RCOR1: variants seen among roughly 807,000 people sequenced by gnomAD.
RCOR1 encodes the protein REST corepressor 1.
Under a neutral mutation model 64.0 loss-of-function variants are expected in RCOR1, and 12 were observed. The ratio of observed to expected loss-of-function variants is 0.19; its 90% CI spans 0.12 to 0.30. The LOEUF (loss-of-function observed/expected upper bound fraction) is 0.30. Ranked by LOEUF, RCOR1 falls within the 10% of genes least tolerant of loss-of-function variation. RCOR1 has a pLI of 1.00. For synonymous variants in RCOR1, 279 were observed against 227.2 expected (o/e 1.23, Z -2.05); for missense variants, 502 against 621.2 (o/e 0.81, Z 2.04).
At chr14:102,713,015 TC>T (rs1448364793) in intron 7 of RCOR1, among the ~76,000 whole-genome samples, 24 of 137,184 alleles carry the variant, frequency 1.7e-4, no homozygotes, top group African/African-American at 6.0e-4. Flanking sequence ...AGTGCAGTGG[TC>T]CGATCTCAGC....
rs142938678 is a variant in RCOR1, at chr14:102,643,212, G to A, written c.362-38683G>A. 1,305 of 256,244 alleles carry A rather than the reference G, an allele frequency of 5.1e-3. 2 individuals carry two copies. Among genetic ancestry groups the A allele is most frequent in the Non-Finnish European group, 7.0e-3 (1,145 of 163,508 alleles). 15.9% of individuals were successfully genotyped at this position (256,244 alleles called of 1,614,324 possible). On this transcript the variant is annotated intron_variant, in intron 2 of 11. Coordinates refer to ENST00000262241, the MANE Select transcript of RCOR1 (RefSeq NM_015156.4). Reference sequence around the variant, plus strand: ...CAGGAGAATGGCGTGAACCCGGGAGGCGGAGCTTGCACAGTGAGCCCAGAT... The same window carrying A: ...CAGGAGAATGGCGTGAACCCGGGAGACGGAGCTTGCACAGTGAGCCCAGAT...
intron 10 of RCOR1, 101 bp from the exon 11 acceptor site, chr14:102,722,086 C>A: frequency 2.4e-6 from 2 of 818,436 alleles, no homozygotes; most frequent in Non-Finnish European, 3.9e-6. Flanking sequence ...CTGTTAAAAG[C>A]CTGTATGTTT....
intron 2 of RCOR1, among the ~76,000 whole-genome samples, chr14:102,597,636 T>TC (rs1893288028): frequency 7.4e-6 from 1 of 135,738 alleles, no homozygotes; most frequent in African/African-American, 2.8e-5. Flanking sequence ...ACCTTTTTTT[T>TC]TTTTTTTTTT....
At chr14:102,726,330 CAAAAA>C in intron 11 of RCOR1, 133 bp from the exon 12 acceptor site, 1 of 622,312 alleles carries the variant, frequency 1.6e-6, no homozygotes, top group Non-Finnish European at 2.6e-6. Flanking sequence ...GTCTCCCCTC[CAAAAA>C]AAAAAAAAAG....
chr14:102,592,985 C>T lies in RCOR1; in HGVS notation c.99C>T (p.Ala33=). The change falls in exon 1 of 12, where the codon GCC becomes GCT. Residue 33 remains alanine (A), a synonymous_variant. Coordinates refer to ENST00000262241, the MANE Select transcript of RCOR1 (RefSeq NM_015156.4). ...CCTCCGCCGCCGCCGCCTCCGCCGC[C>T]GCCTCGGCCGCCTGCGCCTCGCCAG... is the stretch of plus-strand genomic sequence containing the variant. ...ASASAAAASA[A]ASAACASPAA... is the part of the protein sequence containing the mutation. 8.7e-7 allele frequency: 1 copy of T among 1,155,208 alleles called. No homozygotes were observed. Among genetic ancestry groups the T allele is most frequent in the Non-Finnish European group, 1.1e-6 (1 of 940,056 alleles). The allele number at this position is 1,155,208 out of a possible 1,614,324, so 71.6% of individuals were successfully genotyped here. A position where few individuals can be genotyped will look rare whatever the true frequency, so the allele number is the denominator to read the frequency against.
chr14:102,597,321 G>A (rs1287734916), intron 2 of RCOR1, among the ~76,000 whole-genome samples: 1 of 151,722 alleles, frequency 6.6e-6, no homozygotes, highest in Non-Finnish European at 1.5e-5. Flanking sequence ...ATGAATGGAG[G>A]AATTTGACTT....
intron 2 of RCOR1, among the ~76,000 whole-genome samples, chr14:102,600,019 C>A (rs1209979790): frequency 6.6e-6 from 1 of 152,088 alleles, no homozygotes; most frequent in Non-Finnish European, 1.5e-5. Context: ...GCCTTGGCCT[C>A]CCAAAGTGCT....
chr14:102,601,464 G>A (rs1222137795), intron 2 of RCOR1, among the ~76,000 whole-genome samples: 1 of 152,208 alleles, frequency 6.6e-6, no homozygotes, highest in Non-Finnish European at 1.5e-5. Context: ...AATTAGATGT[G>A]CAAGAGGTTC....
intron 2 of RCOR1, among the ~76,000 whole-genome samples, chr14:102,616,248 G>GTA (rs1259133703): frequency 1.0e-4 from 15 of 149,724 alleles, no homozygotes; most frequent in African/African-American, 1.5e-4. Flanking sequence ...GTGTGTGTGT[G>GTA]TATGTGTGTG....
intron 2 of RCOR1, among the ~76,000 whole-genome samples, chr14:102,604,140 A>G (rs532449955): frequency 1.3e-5 from 2 of 152,250 alleles, no homozygotes; most frequent in African/African-American, 4.8e-5. Flanking sequence ...TTGTGTTTCC[A>G]CTAAGTTATT....
chr14:102,689,551 A>G (rs1895491014), intron 3 of RCOR1, among the ~76,000 whole-genome samples: 1 of 152,190 alleles, frequency 6.6e-6, no homozygotes, highest in Non-Finnish European at 1.5e-5. Flanking sequence ...ATCCATAGAA[A>G]CAGATGGTCT....
chr14:102,729,931 T>C lies in RCOR1; in HGVS notation c.*3425T>C, dbSNP rs538531240. 2.5e-6 allele frequency: 1 copy of C among 399,066 alleles called. No homozygotes were observed. The highest frequency in any genetic ancestry group is 1.3e-4 in the South Asian group (1 of 7,858). The allele number at this position is 399,066 out of a possible 1,614,324, so 24.7% of individuals were successfully genotyped here. A position where few individuals can be genotyped will look rare whatever the true frequency, so the allele number is the denominator to read the frequency against. On this transcript the variant is annotated 3_prime_UTR_variant, in exon 12 of 12. Coordinates refer to ENST00000262241, the MANE Select transcript of RCOR1 (RefSeq NM_015156.4). ...AAGCTTCTATTGTCAAGTGAAACTT[T>C]CCTCAGATGGACTCCAGGTAGCCAG... is the stretch of plus-strand genomic sequence containing the variant.
At chr14:102,629,187 C>CTAT (rs1183446731) in intron 2 of RCOR1, among the ~76,000 whole-genome samples, 3 of 152,210 alleles carry the variant, frequency 2.0e-5, no homozygotes, top group Non-Finnish European at 4.4e-5. Flanking sequence ...ATCCACATAG[C>CTAT]CCATGGCCTT....
At chr14:102,698,278 G>A (rs1242804479) in intron 3 of RCOR1, among the ~76,000 whole-genome samples, 1 of 152,218 alleles carries the variant, frequency 6.6e-6, no homozygotes, top group Non-Finnish European at 1.5e-5. Flanking sequence ...GTGGGCACAG[G>A]CATTACAGGC....
intron 2 of RCOR1, among the ~76,000 whole-genome samples, chr14:102,630,251 G>A (rs1316254744): frequency 2.6e-5 from 4 of 152,124 alleles, no homozygotes; most frequent in Non-Finnish European, 5.9e-5. Flanking sequence ...CTCTCTTGCT[G>A]CTTCTCTGGC....
At chr14:102,650,807 T>C (rs1465483814) in intron 2 of RCOR1, 1 of 158,374 alleles carries the variant, frequency 6.3e-6, no homozygotes, top group African/African-American at 2.4e-5. Context: ...TCATTGGTAT[T>C]GTGGGTGTTC....
Position 102,593,007 on chromosome 14 carries a change from CCAGCCGCCACTGCCGCCT to C in RCOR1, c.123_140del (p.Ala42_Ser47del). Reference sequence around the variant, plus strand: ...CGCCGCCTCGGCCGCCTGCGCCTCGCCAGCCGCCACTGCCGCCTCGGGCGCCGCCGCCTCCTCAGCCTC... The same window carrying C: ...CGCCGCCTCGGCCGCCTGCGCCTCGCCGGGCGCCGCCGCCTCCTCAGCCTC... On this transcript the variant is annotated inframe_deletion, in exon 1 of 12. Coordinates refer to ENST00000262241, the MANE Select transcript of RCOR1 (RefSeq NM_015156.4). 1 of 1,198,460 alleles carries C rather than the reference CCAGCCGCCACTGCCGCCT, an allele frequency of 8.3e-7. No individual in the cohort carries two copies. The highest frequency in any genetic ancestry group is 1.0e-6 in the Non-Finnish European group (1 of 964,450). 74.2% of individuals were successfully genotyped at this position (1,198,460 alleles called of 1,614,324 possible).
intron 2 of RCOR1, among the ~76,000 whole-genome samples, chr14:102,642,457 G>A (rs1432065006): frequency 6.6e-6 from 1 of 152,196 alleles, no homozygotes; most frequent in Non-Finnish European, 1.5e-5. Flanking sequence ...TTGTCTCATA[G>A]GGTTGATACA....
chr14:102,721,859 G>T (rs921601397), intron 10 of RCOR1, among the ~76,000 whole-genome samples: 6 of 152,288 alleles, frequency 3.9e-5, no homozygotes, highest in African/African-American at 1.4e-4. Context: ...CAGACAGAGT[G>T]TTCAGCTTTA....
Sources: allele counts gnomAD v4.1 joint callset (sites outside exome capture counted in the v4.1 genomes callset), GRCh38; gene constraint gnomAD v4.1.1; transcripts MANE v1.5; gene names NCBI Gene and HGNC (gene_info 2026-07-23, HGNC 2026-07-21).